PEAK1: variants seen among roughly 807,000 people sequenced by gnomAD.
The protein encoded by PEAK1 is inactive tyrosine-protein kinase PEAK1.
A neutral mutation model predicts 124.7 loss-of-function variants in PEAK1; 54 were observed. The ratio of observed to expected loss-of-function variants is 0.43; its 90% CI spans 0.35 to 0.54. The LOEUF (loss-of-function observed/expected upper bound fraction) is 0.54, where lower values mean the gene tolerates loss of function less well. Ranked by LOEUF, PEAK1 falls within the 20% of genes least tolerant of loss-of-function variation. The pLI, the probability that PEAK1 is intolerant of heterozygous loss-of-function variation, is 0.01. For missense variants in PEAK1, 2,046 were observed against 2,134.5 expected (o/e 0.96, Z 0.82); for synonymous variants, 719 against 760.0 (o/e 0.95, Z 0.89).
chr15:77,369,421 G>C (rs1206289649), intron 1 of PEAK1, among the ~76,000 whole-genome samples: 1 of 152,088 alleles, frequency 6.6e-6, no homozygotes, highest in African/African-American at 2.4e-5. Context: ...TCACCAAGTT[G>C]GTCTTGGTTT....
At chr15:77,268,341 G>GT (rs1460390844) in intron 5 of PEAK1, among the ~76,000 whole-genome samples, 1 of 152,094 alleles carries the variant, frequency 6.6e-6, no homozygotes, top group East Asian at 1.9e-4. Context: ...GGGTGTGGTG[G>GT]TGTGTGCCTG....
At chr15:77,268,411 A>C (rs2152951546) in intron 5 of PEAK1, among the ~76,000 whole-genome samples, 1 of 151,906 alleles carries the variant, frequency 6.6e-6, no homozygotes, top group South Asian at 2.1e-4. Flanking sequence ...GAGGCAGAGG[A>C]CGCAGTGAGC....
chr15:77,398,378 A>C (rs1002481536), intron 1 of PEAK1, among the ~76,000 whole-genome samples: 1 of 152,210 alleles, frequency 6.6e-6, no homozygotes, highest in Non-Finnish European at 1.5e-5. Context: ...AAATACTAGC[A>C]AACTGAATCC....
In PEAK1 at chr15:77,178,876, C is replaced by T. The variant is rs1166639690; in HGVS notation, c.3051G>A (p.Lys1017=). 1.2e-6 allele frequency: 2 copies of T among 1,614,128 alleles called. No homozygotes were observed. The highest frequency in any genetic ancestry group is 1.7e-4 in the Middle Eastern group (1 of 6,060). Reference sequence around the variant, plus strand: ...GTAGTAATGCATTCTCTGCTCTACCCTTCTCCATGACTGCTGCCTGGTCTG... The same window carrying T: ...GTAGTAATGCATTCTCTGCTCTACCTTTCTCCATGACTGCTGCCTGGTCTG... ...ARTDQAAVME[K]GRAENALLQD... Residue 1017 remains lysine, a synonymous_variant, in exon 7 of 10, where the codon AAG becomes AAA. Transcript: ENST00000682557.
chr15:77,214,762 T>C (rs1391082728), intron 6 of PEAK1, among the ~76,000 whole-genome samples: 1 of 152,108 alleles, frequency 6.6e-6, no homozygotes, highest in Non-Finnish European at 1.5e-5. Flanking sequence ...CATATTCATA[T>C]GGCCAGCAGG....
chr15:77,398,635 A>G (rs1367443165), intron 1 of PEAK1, among the ~76,000 whole-genome samples: 1 of 152,224 alleles, frequency 6.6e-6, no homozygotes, highest in Non-Finnish European at 1.5e-5. Flanking sequence ...TAAAAGCCAT[A>G]TATGACGGAA....
At chr15:77,236,590 CG>C (rs1567150234) in intron 6 of PEAK1, among the ~76,000 whole-genome samples, 1 of 151,974 alleles carries the variant, frequency 6.6e-6, no homozygotes, top group Admixed American at 6.6e-5. Context: ...ACTTTGGAGT[CG>C]GGCTTTTGAG....
chr15:77,133,933 A>T lies in PEAK1; in HGVS notation c.3332-183T>A, dbSNP rs964874687. Among the ~76,000 whole-genome samples the T allele has an allele frequency of 6.6e-6, 1 of 152,228 alleles. No homozygotes were observed. Among genetic ancestry groups the T allele is most frequent in the African/African-American group, 2.4e-5 (1 of 41,458 alleles). Reference sequence around the variant, plus strand: ...CAAATACCTAAACATTGAAGTATCCAAGCCTTGGTGGGAACGACAAATATG... The same window carrying T: ...CAAATACCTAAACATTGAAGTATCCTAGCCTTGGTGGGAACGACAAATATG... On this transcript the variant is annotated intron_variant, in intron 8 of 9. Transcript: ENST00000682557. This position sits in a 1 kb window ranked among gnomAD's most constrained non-coding sequence, Gnocchi z 4.2.
intron 6 of PEAK1, among the ~76,000 whole-genome samples, chr15:77,214,369 T>C (rs966564103): frequency 5.6e-4 from 85 of 151,280 alleles, no homozygotes; most frequent in African/African-American, 2.0e-3. Context: ...GTAATCCCAG[T>C]ACTTTGGGAG....
chr15:77,296,367 G>A lies in PEAK1; in HGVS notation c.-602-9863C>T, dbSNP rs548040830. Among the ~76,000 whole-genome samples, 248 of 151,036 alleles carry A rather than the reference G, an allele frequency of 1.6e-3. 9 individuals carry two copies. Among genetic ancestry groups the A allele is most frequent in the African/African-American group, 5.9e-3 (240 of 40,412 alleles). ...TGGCTCACGCCGGTAATCCCAGCAC[G>A]TTGGGAGGCCAAGGCAGGCAGATCA... On this transcript the variant is annotated intron_variant, in intron 2 of 9. Transcript: ENST00000682557.
At chr15:77,175,029 T>A (rs1293165021) in intron 7 of PEAK1, among the ~76,000 whole-genome samples, 1 of 151,354 alleles carries the variant, frequency 6.6e-6, no homozygotes, top group East Asian at 1.9e-4. Flanking sequence ...TAAATGGTGC[T>A]GGGAAAACTG....
Position 77,223,926 on chromosome 15 carries a change from C to T in PEAK1, c.-115+28441G>A, listed in dbSNP as rs562178765. 3.7e-4 allele frequency among the ~76,000 whole-genome samples: 46 copies of T among 124,702 alleles called. No homozygotes were observed. The South Asian group carries it at 5.8e-3, about 16-fold the overall frequency. 81.8% of individuals were successfully genotyped at this position (124,702 alleles called of 152,430 possible). A position where few individuals can be genotyped will look rare whatever the true frequency, so the allele number is the denominator to read the frequency against. ...TTTTTTTTTACTTATTTATTGCTTA[C>T]ATCTGTTAGGTTTAGAAAACACTCA... is the stretch of plus-strand genomic sequence containing the variant. On this transcript the variant is annotated intron_variant, in intron 6 of 9. Coordinates refer to ENST00000682557, the MANE Select transcript of PEAK1 (RefSeq NM_001385026.1).
At chr15:77,140,981 G>A (rs1040592690) in intron 8 of PEAK1, among the ~76,000 whole-genome samples, 1 of 152,130 alleles carries the variant, frequency 6.6e-6, no homozygotes, top group Non-Finnish European at 1.5e-5. Context: ...GGGATTACAG[G>A]TGTGAGCCAC....
intron 1 of PEAK1, among the ~76,000 whole-genome samples, chr15:77,380,957 T>C (rs931878895): frequency 6.6e-6 from 1 of 152,168 alleles, no homozygotes; most frequent in African/African-American, 2.4e-5. Context: ...GAGTGAAGCA[T>C]AACTGCCAGG....
chr15:77,220,988 TAAC>T (rs1031293800), intron 6 of PEAK1, among the ~76,000 whole-genome samples: 15 of 152,180 alleles, frequency 9.9e-5, no homozygotes, highest in African/African-American at 3.6e-4. Flanking sequence ...GACTAATAAA[TAAC>T]AAGATATTGA....
At chr15:77,102,825 G>A (rs1191456489) in exon 7 of PEAK1, 1 of 151,410 alleles carries the variant, frequency 6.6e-6, no homozygotes, top group Non-Finnish European at 1.5e-5. Context: ...AAAAATTTCT[G>A]GGTTTTTCAT....
intron 8 of PEAK1, among the ~76,000 whole-genome samples, chr15:77,154,134 G>A (rs1472277898): frequency 4.6e-5 from 7 of 152,090 alleles, no homozygotes; most frequent in Admixed American, 6.5e-5. Context: ...CTCTTTGTAG[G>A]TCACTAAGGA....
chr15:77,364,178 G>A (rs752321708), intron 2 of PEAK1, among the ~76,000 whole-genome samples: 10 of 152,080 alleles, frequency 6.6e-5, no homozygotes, highest in Non-Finnish European at 1.3e-4. Context: ...CAGCTTGGGC[G>A]AAAGAGACTC....
chr15:77,278,390 A>G (rs894558370), intron 5 of PEAK1: 2 of 311,778 alleles, frequency 6.4e-6, no homozygotes, highest in African/African-American at 2.2e-5. Flanking sequence ...AGTGTAAAGA[A>G]GAAGCAGGGA....
Sources: allele counts gnomAD v4.1 joint callset (sites outside exome capture counted in the v4.1 genomes callset), GRCh38; gene constraint gnomAD v4.1.1; non-coding constraint Gnocchi (gnomAD v3.1); transcripts MANE v1.5; gene names NCBI Gene and HGNC (gene_info 2026-07-23, HGNC 2026-07-21).